NPAS3: variants seen among roughly 807,000 people sequenced by gnomAD.
NPAS3 encodes the protein neuronal PAS domain-containing protein 3.
A neutral mutation model predicts 73.1 loss-of-function variants in NPAS3; 14 were observed. The ratio of observed to expected loss-of-function variants is 0.19; its 90% CI spans 0.13 to 0.30. NPAS3 has a LOEUF of 0.30. NPAS3 is among the 10% of genes least tolerant of loss of function. The pLI is 1.00. For missense variants in NPAS3, 1,096 were observed against 1,250.0 expected (o/e 0.88, Z 1.86); for synonymous variants, 620 against 541.5 (o/e 1.14, Z -2.01).
intron 6 of NPAS3, among the ~76,000 whole-genome samples, chr14:33,712,525 T>C (rs1368238513): frequency 6.6e-6 from 1 of 152,188 alleles, no homozygotes; most frequent in Admixed American, 6.5e-5. Context: ...TTTTTAGTGT[T>C]AAGGACATTC....
At chr14:32,976,470 A>G (rs1647727239) in intron 1 of NPAS3, among the ~76,000 whole-genome samples, 1 of 152,144 alleles carries the variant, frequency 6.6e-6, no homozygotes, top group African/African-American at 2.4e-5. Context: ...ACAGTTTTAT[A>G]TATTCGTACT....
intron 5 of NPAS3, among the ~76,000 whole-genome samples, chr14:33,565,898 A>T (rs557746209): frequency 2.6e-5 from 4 of 152,042 alleles, no homozygotes; most frequent in South Asian, 4.2e-4. Flanking sequence ...AATTTTTTTA[A>T]AAAAAAGCAG....
chr14:33,144,816 A>G (rs1380956421), intron 2 of NPAS3, among the ~76,000 whole-genome samples: 1 of 151,472 alleles, frequency 6.6e-6, no homozygotes, highest in Non-Finnish European at 1.5e-5. Context: ...CTGGTCTTGA[A>G]CTCCTGGCCT....
intron 5 of NPAS3, among the ~76,000 whole-genome samples, chr14:33,671,884 A>T (rs773949481): frequency 6.6e-6 from 1 of 152,148 alleles, no homozygotes; most frequent in African/African-American, 2.4e-5. Context: ...TTAGAATGCA[A>T]TTTGCACTAA....
rs1015350323 is a variant in NPAS3, at chr14:33,180,287, A to G, written c.141-34895A>G. On this transcript the variant is annotated intron_variant, in intron 2 of 11. Transcript: ENST00000356141. ...ATTAAGAAGTCTTCTCAGGTTTTCCAAGCCTTGGTTCGCCACTTCTGAATT... is the reference window on the plus strand; with the variant it reads ...ATTAAGAAGTCTTCTCAGGTTTTCCGAGCCTTGGTTCGCCACTTCTGAATT... 5.8e-4 allele frequency among the ~76,000 whole-genome samples: 88 copies of G among 152,080 alleles called. 1 individual carries two copies. The highest frequency in any genetic ancestry group is 1.2e-3 in the Non-Finnish European group (79 of 68,014).
At chr14:33,685,086 G>A (rs368795860) in intron 6 of NPAS3, among the ~76,000 whole-genome samples, 2 of 152,220 alleles carry the variant, frequency 1.3e-5, no homozygotes, top group East Asian at 3.9e-4. Context: ...AACGGGGATT[G>A]TGTAGATTAT....
intron 2 of NPAS3, among the ~76,000 whole-genome samples, chr14:33,096,078 G>A (rs2042410927): frequency 6.6e-6 from 1 of 151,074 alleles, no homozygotes; most frequent in African/African-American, 2.4e-5. Flanking sequence ...TCTGAGTCTG[G>A]CAGTAGGGAA....
intron 1 of NPAS3, among the ~76,000 whole-genome samples, chr14:32,942,504 A>G (rs1375253948): frequency 4.6e-5 from 7 of 152,252 alleles, no homozygotes; most frequent in Admixed American, 4.6e-4. Context: ...TTGTGTACAT[A>G]AACTTGTTTG....
At chr14:33,555,904 G>GTGTC (rs144448689) in intron 4 of NPAS3, among the ~76,000 whole-genome samples, 1 of 151,920 alleles carries the variant, frequency 6.6e-6, no homozygotes. Flanking sequence ...GTCTGTGTGT[G>GTGTC]TGTGTGTGTG....
chr14:33,741,224 T>C (rs1434918966), intron 7 of NPAS3, among the ~76,000 whole-genome samples: 1 of 152,188 alleles, frequency 6.6e-6, no homozygotes, highest in African/African-American at 2.4e-5. Context: ...TCCTAAAGCC[T>C]TTTGCTTCAG....
At chr14:33,616,489 T>A (rs1226013949) in intron 5 of NPAS3, among the ~76,000 whole-genome samples, 1 of 152,192 alleles carries the variant, frequency 6.6e-6, no homozygotes, top group East Asian at 1.9e-4. Context: ...CCAGTGCCCG[T>A]CTCGGCAGCT....
At chr14:33,672,708 A>G (rs1426288258) in intron 5 of NPAS3, among the ~76,000 whole-genome samples, 1 of 152,154 alleles carries the variant, frequency 6.6e-6, no homozygotes, top group African/African-American at 2.4e-5. Flanking sequence ...AGAGAAAAAA[A>G]AAAAAAAATC....
chr14:33,244,136 G>T (rs2048301071), intron 3 of NPAS3, among the ~76,000 whole-genome samples: 1 of 144,410 alleles, frequency 6.9e-6, no homozygotes. Context: ...ATCTACATTT[G>T]TTAAAAAAAA....
chr14:33,579,855 G>C (rs895802571), intron 5 of NPAS3, among the ~76,000 whole-genome samples: 1 of 152,064 alleles, frequency 6.6e-6, no homozygotes, highest in African/African-American at 2.4e-5. Flanking sequence ...AATGAAAAAT[G>C]GGAAAGTTCA....
intron 4 of NPAS3, among the ~76,000 whole-genome samples, chr14:33,434,963 T>C (rs1166045057): frequency 2.6e-5 from 4 of 152,132 alleles, no homozygotes; most frequent in Non-Finnish European, 2.9e-5. Flanking sequence ...TGGGAACCTA[T>C]ACACATAGCA....
At chr14:33,102,309 G>A (rs573069839) in intron 2 of NPAS3, among the ~76,000 whole-genome samples, 3 of 152,098 alleles carry the variant, frequency 2.0e-5, no homozygotes, top group East Asian at 3.9e-4. Context: ...GGAAGCCTTG[G>A]AGAAAACTGC....
chr14:33,228,494 C>T (rs1467478539), intron 3 of NPAS3, among the ~76,000 whole-genome samples: 1 of 152,118 alleles, frequency 6.6e-6, no homozygotes, highest in Non-Finnish European at 1.5e-5. Context: ...TTTCCTTTCT[C>T]AGAATTTTGG....
intron 5 of NPAS3, among the ~76,000 whole-genome samples, chr14:33,613,073 A>G (rs151272241): frequency 6.6e-5 from 10 of 152,334 alleles, no homozygotes; most frequent in African/African-American, 2.4e-4. Context: ...ATTTAATTCA[A>G]CATGTATTTC....
At chr14:33,635,652 C>T (rs1292829423) in intron 5 of NPAS3, among the ~76,000 whole-genome samples, 1 of 152,188 alleles carries the variant, frequency 6.6e-6, no homozygotes, top group South Asian at 2.1e-4. Flanking sequence ...ACCGCCATCA[C>T]CCATTATCAG....
Sources: gnomAD v4.1 joint callset for allele counts (sites outside exome capture counted in the v4.1 genomes callset) on GRCh38, gnomAD v4.1.1 for gene constraint, MANE v1.5 for transcripts, NCBI Gene and HGNC (gene_info 2026-07-23, HGNC 2026-07-21) for gene names.